The following DLG2 variants were observed in gnomAD, a reference collection of about 807,000 sequenced individuals.
DLG2 encodes the protein disks large homolog 2.
In DLG2, 45 loss-of-function variants were observed where a neutral mutation model predicts 132.5. That is an observed-to-expected ratio of 0.34 (90% confidence interval 0.27 to 0.44). The LOEUF (loss-of-function observed/expected upper bound fraction) is 0.44, where lower values mean the gene tolerates loss of function less well. Among genes scored for constraint, DLG2 ranks in the 20% least tolerant of loss-of-function variants. The pLI is 1.00. For synonymous variants in DLG2, 424 were observed against 419.6 expected (o/e 1.01, Z -0.13); for missense variants, 1,045 against 1,196.9 (o/e 0.87, Z 1.87).
At chr11:84,320,053 T>C (rs1308865619) in intron 7 of DLG2, among the ~76,000 whole-genome samples, 2 of 152,170 alleles carry the variant, frequency 1.3e-5, no homozygotes, top group Non-Finnish European at 2.9e-5. Context: ...TCAACTATAA[T>C]TGGACAATTG....
intron 16 of DLG2, among the ~76,000 whole-genome samples, chr11:83,867,288 T>A (rs2062578188): frequency 6.6e-6 from 1 of 152,104 alleles, no homozygotes; most frequent in South Asian, 2.1e-4. Context: ...ATAAAGTGGG[T>A]TAAAGGTACC....
intron 4 of DLG2, among the ~76,000 whole-genome samples, chr11:85,216,724 T>C (rs544233185): frequency 5.3e-5 from 8 of 151,222 alleles, no homozygotes; most frequent in Middle Eastern, 3.4e-3. Flanking sequence ...GGAGACAGAG[T>C]CTCACTCTGT....
intron 18 of DLG2, among the ~76,000 whole-genome samples, chr11:83,785,802 A>G (rs902049200): frequency 1.3e-5 from 2 of 152,218 alleles, no homozygotes; most frequent in African/African-American, 4.8e-5. Flanking sequence ...ACTCATATGC[A>G]CAGAGACTCT....
intron 6 of DLG2, among the ~76,000 whole-genome samples, chr11:84,871,854 T>C (rs896609567): frequency 1.3e-5 from 2 of 152,132 alleles, no homozygotes; most frequent in African/African-American, 4.8e-5. Flanking sequence ...TTTGTATTTT[T>C]AGTAGAGACG....
intron 7 of DLG2, among the ~76,000 whole-genome samples, chr11:84,357,653 A>G (rs1321960715): frequency 1.3e-5 from 2 of 152,060 alleles, no homozygotes; most frequent in Non-Finnish European, 2.9e-5. Context: ...AAATATGGTA[A>G]TAACATGAGT....
At position 84,861,633 on chromosome 11, in the gene DLG2, AAAAAAAC is replaced by A. The variant is rs1318202557; in HGVS notation, c.357+250021_357+250027del. On this transcript the variant is annotated intron_variant, in intron 6 of 27. Coordinates refer to ENST00000376104, the MANE Select transcript of DLG2 (RefSeq NM_001142699.3). ...TTCTACACAGCAAAAAAAAAAAAAA[AAAAAAAC>A]AAAAAAAAAAACCTATCAGAGGGAA... Among the ~76,000 whole-genome samples, 39 of 75,306 alleles carry A rather than the reference AAAAAAAC, an allele frequency of 5.2e-4. 1 individual carries two copies. Among genetic ancestry groups the A allele is most frequent in the African/African-American group, 1.3e-3 (28 of 21,162 alleles). 49.4% of individuals were successfully genotyped at this position (75,306 alleles called of 152,430 possible).
chr11:85,031,829 A>C (rs2061022972), intron 6 of DLG2, among the ~76,000 whole-genome samples: 1 of 150,212 alleles, frequency 6.7e-6, no homozygotes, highest in Non-Finnish European at 1.5e-5. Context: ...TTGTCACCTG[A>C]GTGGAGTGCA....
chr11:84,337,496 T>C (rs992175728), intron 7 of DLG2, among the ~76,000 whole-genome samples: 1 of 152,224 alleles, frequency 6.6e-6, no homozygotes, highest in Non-Finnish European at 1.5e-5. Context: ...TCTATGTGTA[T>C]ATATTTTTTT....
chr11:85,104,966 GA>G (rs1460604391), intron 6 of DLG2, among the ~76,000 whole-genome samples: 4 of 146,720 alleles, frequency 2.7e-5, no homozygotes, highest in African/African-American at 1.0e-4. Flanking sequence ...GTTGAATAAA[GA>G]GGAAATTCTA....
At chr11:84,313,834 C>T (rs1235654593) in intron 7 of DLG2, among the ~76,000 whole-genome samples, 2 of 152,114 alleles carry the variant, frequency 1.3e-5, no homozygotes, top group Non-Finnish European at 2.9e-5. Flanking sequence ...CATGTTTCTT[C>T]CCAAGGCTGA....
At chr11:84,365,616 T>C (rs946229347) in intron 7 of DLG2, among the ~76,000 whole-genome samples, 2 of 152,174 alleles carry the variant, frequency 1.3e-5, no homozygotes, top group African/African-American at 4.8e-5. Flanking sequence ...GGTGTCAATT[T>C]TGGATCTTTC....
intron 4 of DLG2, among the ~76,000 whole-genome samples, chr11:85,160,098 CTGAATT>C (rs1180505510): frequency 6.6e-6 from 1 of 152,160 alleles, no homozygotes; most frequent in African/African-American, 2.4e-5. Flanking sequence ...AAATAAGTTG[CTGAATT>C]TGGCCCCTCC....
At chr11:84,517,412 T>A (rs2099277121) in intron 7 of DLG2, among the ~76,000 whole-genome samples, 2 of 151,788 alleles carry the variant, frequency 1.3e-5, no homozygotes, top group Admixed American at 6.6e-5. Context: ...ATATCACTAA[T>A]CATCAGGGAA....
chr11:85,466,779 A>T (rs1160161462), intron 3 of DLG2, among the ~76,000 whole-genome samples: 1 of 152,152 alleles, frequency 6.6e-6, no homozygotes, highest in Non-Finnish European at 1.5e-5. Flanking sequence ...CTTAGGATTG[A>T]CTTGGCAATG....
intron 6 of DLG2, among the ~76,000 whole-genome samples, chr11:85,017,408 T>C (rs1044558072): frequency 1.3e-5 from 2 of 152,102 alleles, no homozygotes; most frequent in African/African-American, 4.8e-5. Context: ...CCTACTACTT[T>C]GTTGAAATTT....
intron 17 of DLG2, among the ~76,000 whole-genome samples, chr11:83,799,453 T>A (rs1184461315): frequency 6.6e-6 from 1 of 152,154 alleles, no homozygotes; most frequent in Admixed American, 6.5e-5. Flanking sequence ...ACTATTGAAG[T>A]GTTACCAATG....
At chr11:83,653,901 G>A (rs1325922550) in intron 18 of DLG2, among the ~76,000 whole-genome samples, 1 of 151,962 alleles carries the variant, frequency 6.6e-6, no homozygotes, top group Non-Finnish European at 1.5e-5. Flanking sequence ...ATTTTTTTTA[G>A]TAGAGATGGG....
At chr11:84,754,377 C>A (rs1459388950) in intron 6 of DLG2, among the ~76,000 whole-genome samples, 1 of 152,040 alleles carries the variant, frequency 6.6e-6, no homozygotes, top group Admixed American at 6.6e-5. Flanking sequence ...TGGATGTTTT[C>A]TTTACTTTTA....
chr11:85,113,778 C>A (rs966661337), intron 5 of DLG2, among the ~76,000 whole-genome samples: 2 of 151,896 alleles, frequency 1.3e-5, no homozygotes, highest in Non-Finnish European at 2.9e-5. Flanking sequence ...AGAGGAAGAG[C>A]CAAATCTACC....
Sources: allele counts gnomAD v4.1 joint callset (sites outside exome capture counted in the v4.1 genomes callset), GRCh38; gene constraint gnomAD v4.1.1; transcripts MANE v1.5; gene names NCBI Gene and HGNC (gene_info 2026-07-23, HGNC 2026-07-21).